The following PLD5 variants were observed in gnomAD, a reference collection of about 807,000 sequenced individuals.
PLD5 encodes the protein phospholipase D family member 5, also known as inactive phospholipase D5.
PLD5 carries 36 observed loss-of-function variants against 61.1 expected under a neutral mutation model. The observed-to-expected ratio is 0.59, with a 90% CI of 0.45 to 0.78. The LOEUF (loss-of-function observed/expected upper bound fraction) is 0.78, where lower values mean the gene tolerates loss of function less well. Ranked by LOEUF, PLD5 falls within the 30% of genes least tolerant of loss-of-function variation. The pLI is 0.00. For synonymous variants in PLD5, 243 were observed against 242.8 expected (o/e 1.00, Z -0.01); for missense variants, 515 against 644.4 (o/e 0.80, Z 2.17).
At chr1:242,515,692 A>G (rs1306508420) in intron 1 of PLD5, among the ~76,000 whole-genome samples, 2 of 152,214 alleles carry the variant, frequency 1.3e-5, no homozygotes, top group Non-Finnish European at 2.9e-5. Flanking sequence ...TACATTGTCC[A>G]TTCAACTATA....
intron 4 of PLD5, among the ~76,000 whole-genome samples, chr1:242,234,940 T>C (rs1361971628): frequency 1.3e-5 from 2 of 152,154 alleles, no homozygotes; most frequent in African/African-American, 4.8e-5. Flanking sequence ...ATGTTGCTTA[T>C]GCCACTTAGC....
rs10676683 is a variant in PLD5 at position 242,500,986 on chromosome 1, A to ATT, written c.189+23100_189+23101dup. Among the ~76,000 whole-genome samples, 1,029 of 151,986 alleles carry ATT rather than the reference A, an allele frequency of 6.8e-3. 15 individuals are homozygous for ATT. Among genetic ancestry groups the ATT allele is most frequent in the African/African-American group, 0.023 (967 of 41,422 alleles). On this transcript the variant is annotated intron_variant, in intron 1 of 9. Coordinates refer to ENST00000536534, the MANE Select transcript of PLD5 (RefSeq NM_001372062.1). Reference sequence around the variant, plus strand: ...TTAACGTTTTTCTTTAAGTCAACTCATTTTTTTTAACTTAAGTACCTTTTC... The same window carrying ATT: ...TTAACGTTTTTCTTTAAGTCAACTCATTTTTTTTTTAACTTAAGTACCTTTTC...
At chr1:242,259,134 A>C (rs1251491890) in intron 4 of PLD5, among the ~76,000 whole-genome samples, 1 of 152,198 alleles carries the variant, frequency 6.6e-6, no homozygotes, top group Non-Finnish European at 1.5e-5. Flanking sequence ...AAGGGAAAAT[A>C]CTATGTGTAA....
Position 242,085,463 on chromosome 1 carries a change from T to C in PLD5, c.*4391A>G, listed in dbSNP as rs1659404293. The C allele has an allele frequency of 6.6e-6, 1 of 152,218 alleles. No individual in the cohort carries two copies. The highest frequency in any genetic ancestry group is 2.4e-5 in the African/African-American group (1 of 41,454). 9.4% of individuals were successfully genotyped at this position (152,218 alleles called of 1,614,324 possible). On this transcript the variant is annotated 3_prime_UTR_variant, in exon 10 of 10. Transcript: ENST00000536534. The stretch of plus-strand genomic sequence containing the variant: ...AAGACAGGCTGCGAACTGGGGTTGA[T>C]GTCAGGGCTATTCAAAAGCCTCCGT...
At chr1:242,399,870 C>T (rs1335797267) in intron 1 of PLD5, among the ~76,000 whole-genome samples, 1 of 151,708 alleles carries the variant, frequency 6.6e-6, no homozygotes, top group Non-Finnish European at 1.5e-5. Context: ...AGGCTGCGTG[C>T]TCCTTATGAG....
At chr1:242,300,811 C>T (rs933942082) in intron 2 of PLD5, among the ~76,000 whole-genome samples, 8 of 151,922 alleles carry the variant, frequency 5.3e-5, no homozygotes, top group African/African-American at 1.7e-4. Context: ...GGAGCCTCGG[C>T]GAAGGGCGGT....
chr1:242,185,725 G>T (rs1667831549), intron 5 of PLD5, among the ~76,000 whole-genome samples: 1 of 152,022 alleles, frequency 6.6e-6, no homozygotes, highest in South Asian at 2.1e-4. Context: ...TCTTACACTG[G>T]CTACATCATT....
intron 2 of PLD5, among the ~76,000 whole-genome samples, chr1:242,318,903 G>A (rs1658198867): frequency 6.6e-6 from 1 of 152,150 alleles, no homozygotes; most frequent in Non-Finnish European, 1.5e-5. Context: ...CACAGAGGTA[G>A]GAGAGGCTAA....
intron 5 of PLD5, among the ~76,000 whole-genome samples, chr1:242,133,302 A>G (rs1188952431): frequency 1.3e-5 from 2 of 152,076 alleles, no homozygotes; most frequent in East Asian, 3.9e-4. Flanking sequence ...GTGGGCCACT[A>G]TTTCATTTAT....
At chr1:242,210,153 A>T (rs1201080340) in intron 5 of PLD5, among the ~76,000 whole-genome samples, 1 of 152,260 alleles carries the variant, frequency 6.6e-6, no homozygotes, top group African/African-American at 2.4e-5. Flanking sequence ...AAAGGCATGT[A>T]GAAAGCCAAG....
chr1:242,423,193 G>A (rs1199060444), intron 1 of PLD5, among the ~76,000 whole-genome samples: 3 of 152,028 alleles, frequency 2.0e-5, no homozygotes, highest in Non-Finnish European at 2.9e-5. Flanking sequence ...AGGTATCTGC[G>A]AAAGGCTAAA....
At chr1:242,114,695 G>T (rs762918841) in intron 6 of PLD5, among the ~76,000 whole-genome samples, 1 of 152,136 alleles carries the variant, frequency 6.6e-6, no homozygotes, top group East Asian at 1.9e-4. Context: ...TGTGAACTGC[G>T]CATGTAAGGG....
chr1:242,132,525 C>A (rs1235011955), intron 5 of PLD5, among the ~76,000 whole-genome samples: 1 of 152,124 alleles, frequency 6.6e-6, no homozygotes, highest in Non-Finnish European at 1.5e-5. Context: ...CACATGCATC[C>A]AGTTAGCTGC....
rs71570946 is a variant in PLD5, at chr1:242,256,747, CATCT to C, written c.607+8586_607+8589del. ...AGCAGCACAAATGAACTAAGACTAT[CATCT>C]ATCTATCTATCTATCTATCTATCTA... On this transcript the variant is annotated intron_variant, in intron 4 of 9. Coordinates refer to ENST00000536534, the MANE Select transcript of PLD5 (RefSeq NM_001372062.1). The surrounding 1 kb of genome is among the most constrained non-coding windows in gnomAD (Gnocchi z 5.7). 0.35 allele frequency among the ~76,000 whole-genome samples: 52,443 copies of C among 148,068 alleles called. 9,317 individuals are homozygous for C. The highest frequency in any genetic ancestry group is 0.45 in the Middle Eastern group (127 of 284).
At chr1:242,254,364 AAG>A (rs1553336849) in intron 4 of PLD5, among the ~76,000 whole-genome samples, 35 of 151,134 alleles carry the variant, frequency 2.3e-4, no homozygotes, top group Non-Finnish European at 3.8e-4. Flanking sequence ...AAAAAAAAAA[AAG>A]AAAGAAAGGA....
chr1:242,375,998 A>G (rs1212930556), intron 1 of PLD5, among the ~76,000 whole-genome samples: 2 of 152,212 alleles, frequency 1.3e-5, no homozygotes. Context: ...GAGCCAGAGA[A>G]ATACTTGATA....
chr1:242,329,019 A>ATTAT (rs1659004171), intron 2 of PLD5, among the ~76,000 whole-genome samples: 1 of 151,362 alleles, frequency 6.6e-6, no homozygotes, highest in Non-Finnish European at 1.5e-5. Context: ...TTTATTTATT[A>ATTAT]TTTTTTTGAG....
At chr1:242,174,024 C>G (rs925962083) in intron 5 of PLD5, among the ~76,000 whole-genome samples, 1 of 152,110 alleles carries the variant, frequency 6.6e-6, no homozygotes, top group African/African-American at 2.4e-5. Flanking sequence ...AAAGCAATGG[C>G]AACAAAAGCC....
rs1558523896 is a variant in PLD5 at position 242,393,506 on chromosome 1, A to ATG, written c.190-45266_190-45265dup. Among the ~76,000 whole-genome samples the ATG allele has an allele frequency of 7.9e-3, 12 of 1,512 alleles. 1 individual carries two copies. The highest frequency in any genetic ancestry group is 0.019 in the East Asian group (1 of 52). 1.0% of individuals were successfully genotyped at this position (1,512 alleles called of 152,430 possible). A position where few individuals can be genotyped will look rare whatever the true frequency, so the allele number is the denominator to read the frequency against. On this transcript the variant is annotated intron_variant, in intron 1 of 9. Transcript: ENST00000536534. The stretch of plus-strand genomic sequence containing the variant: ...TATATGAGTATATATATGTGTATAT[A>ATG]TGAGTATATATATATGTGTATATAT...
Sources: gnomAD v4.1 joint callset for allele counts (sites outside exome capture counted in the v4.1 genomes callset) on GRCh38, gnomAD v4.1.1 for gene constraint, Gnocchi (gnomAD v3.1) non-coding constraint, MANE v1.5 for transcripts, NCBI Gene and HGNC (gene_info 2026-07-23, HGNC 2026-07-21) for gene names.